TRPM6: variants seen among roughly 807,000 people sequenced by gnomAD.
The protein encoded by TRPM6 is transient receptor potential cation channel subfamily M member 6.
Under a neutral mutation model 247.6 loss-of-function variants are expected in TRPM6, and 111 were observed. That is an observed-to-expected ratio of 0.45 (90% CI 0.38 to 0.52). The LOEUF (loss-of-function observed/expected upper bound fraction) is 0.52, where lower values mean the gene tolerates loss of function less well. TRPM6 is among the 20% of genes least tolerant of loss of function. The pLI is 0.00. For synonymous variants in TRPM6, 892 were observed against 853.8 expected, an observed-to-expected ratio of 1.04 and a Z score of -0.78; for missense variants, 2,126 against 2,421.5, an observed-to-expected ratio of 0.88 and a Z score of 2.56.
chr9:74,856,863 G>A (rs913230454), intron 2 of TRPM6, among the ~76,000 whole-genome samples: 1 of 152,090 alleles, frequency 6.6e-6, no homozygotes, highest in Non-Finnish European at 1.5e-5. Context: ...CTGGCTAGAA[G>A]AAATAGCCAT....
chr9:74,846,085 T>C (rs1311364259), intron 3 of TRPM6, among the ~76,000 whole-genome samples: 2 of 152,200 alleles, frequency 1.3e-5, no homozygotes, highest in African/African-American at 4.8e-5. Context: ...CAGAGAAAAT[T>C]TGTCATTTAT....
At chr9:74,791,759 G>C (rs1449051344) in intron 19 of TRPM6, among the ~76,000 whole-genome samples, 1 of 152,050 alleles carries the variant, frequency 6.6e-6, no homozygotes, top group Non-Finnish European at 1.5e-5. Context: ...TTCAATTGCT[G>C]ATTTTCTTTT....
chr9:74,838,458 T>G (rs1357669579), intron 5 of TRPM6, among the ~76,000 whole-genome samples: 1 of 152,244 alleles, frequency 6.6e-6, no homozygotes, highest in Non-Finnish European at 1.5e-5. Context: ...GTTTTTTCAG[T>G]CATTCACTTC....
At chr9:74,844,263 C>A (rs1830038096) in intron 3 of TRPM6, among the ~76,000 whole-genome samples, 1 of 152,170 alleles carries the variant, frequency 6.6e-6, no homozygotes, top group Non-Finnish European at 1.5e-5. Context: ...AGAGAGTCAG[C>A]CTGTCCTTTG....
chr9:74,747,438 A>G (rs953381113), intron 31 of TRPM6, among the ~76,000 whole-genome samples: 1 of 152,228 alleles, frequency 6.6e-6, no homozygotes, highest in African/African-American at 2.4e-5. Flanking sequence ...CAAGTTTGAG[A>G]GTAATTATAG....
chr9:74,744,938 C>CA (rs574344170), intron 31 of TRPM6, among the ~76,000 whole-genome samples: 2 of 151,988 alleles, frequency 1.3e-5, no homozygotes, highest in Non-Finnish European at 2.9e-5. Flanking sequence ...GGAGTGTTGG[C>CA]AAAAAGTAAG....
intron 9 of TRPM6, among the ~76,000 whole-genome samples, chr9:74,818,517 G>A (rs1587540666): frequency 6.6e-6 from 1 of 152,048 alleles, no homozygotes; most frequent in East Asian, 1.9e-4. Flanking sequence ...TGGCCAGGCT[G>A]GTCTCAAACT....
chr9:74,742,902 C>T (rs760080313), intron 32 of TRPM6, among the ~76,000 whole-genome samples: 17 of 152,290 alleles, frequency 1.1e-4, no homozygotes, highest in Non-Finnish European at 2.5e-4. Context: ...AAATCACATA[C>T]TAATCCATAC....
intron 14 of TRPM6, 76 bp from the exon 15 acceptor site, chr9:74,803,962 G>T: frequency 1.1e-6 from 1 of 931,264 alleles, no homozygotes; most frequent in Non-Finnish European, 1.8e-6. Flanking sequence ...ACAAAAGGAG[G>T]GGAGATTATA....
chr9:74,856,995 A>G (rs890886858), intron 2 of TRPM6, among the ~76,000 whole-genome samples: 4 of 152,322 alleles, frequency 2.6e-5, no homozygotes, highest in Non-Finnish European at 4.4e-5. Context: ...TCTTGAGTCT[A>G]TGGGCTAGTA....
intron 31 of TRPM6, among the ~76,000 whole-genome samples, chr9:74,744,669 G>A (rs1377380744): frequency 6.6e-6 from 1 of 152,192 alleles, no homozygotes; most frequent in East Asian, 1.9e-4. Flanking sequence ...GTTATACAAG[G>A]ACTATGTGTT....
intron 34 of TRPM6, 124 bp downstream of exon 34, chr9:74,739,599 C>G: frequency 6.6e-7 from 1 of 1,524,320 alleles, no homozygotes; most frequent in Non-Finnish European, 9.1e-7. Flanking sequence ...CAAAGCAATA[C>G]TACCTCTAAA....
At chr9:74,878,034 C>T (rs976502104) in intron 1 of TRPM6, among the ~76,000 whole-genome samples, 5 of 152,144 alleles carry the variant, frequency 3.3e-5, no homozygotes, top group Admixed American at 1.3e-4. Context: ...GGCACCTGAG[C>T]TCTCCTCCCA....
rs1564039451 is a variant in TRPM6 at position 74,837,753 on chromosome 9, T to TCC, written c.544+2270_544+2271insGG. On this transcript the variant is annotated intron_variant, in intron 5 of 38. Transcript: ENST00000360774. ...GAGCCACCACGCCCGGCCCCCTTTTTTTTTTTTTTTTTTTTAAGACAGGGT... is the reference window on the plus strand; with the variant it reads ...GAGCCACCACGCCCGGCCCCCTTTTTCCTTTTTTTTTTTTTTTAAGACAGGGT... 9.2e-4 allele frequency among the ~76,000 whole-genome samples: 135 copies of TCC among 145,986 alleles called. 1 individual carries two copies. Among genetic ancestry groups the TCC allele is most frequent in the South Asian group, 4.6e-3 (21 of 4,540 alleles).
At chr9:74,881,226 A>G (rs968251099) in intron 1 of TRPM6, among the ~76,000 whole-genome samples, 6 of 152,216 alleles carry the variant, frequency 3.9e-5, no homozygotes, top group African/African-American at 1.4e-4. Context: ...CTGAAAGTAA[A>G]GGAATGGAAA....
chr9:74,776,180 G>A (rs769084809), intron 23 of TRPM6, 104 bp from the exon 24 acceptor site: 43 of 979,060 alleles, frequency 4.4e-5, no homozygotes, highest in Admixed American at 8.9e-5. Context: ...TGACATTACC[G>A]GCAGTTACCC....
intron 13 of TRPM6, among the ~76,000 whole-genome samples, 173 bp from the exon 14 acceptor site, chr9:74,808,347 A>G (rs1828607644): frequency 6.6e-6 from 1 of 152,200 alleles, no homozygotes; most frequent in Non-Finnish European, 1.5e-5. Flanking sequence ...GCTAGTTCAG[A>G]AGGAAAAATA....
intron 5 of TRPM6, among the ~76,000 whole-genome samples, chr9:74,834,515 T>C (rs1358045261): frequency 6.6e-6 from 1 of 151,740 alleles, no homozygotes; most frequent in Non-Finnish European, 1.5e-5. Context: ...GCACAACGAG[T>C]GGGTTTGTTA....
At chr9:74,760,171 T>C (rs1587477239) in intron 27 of TRPM6, among the ~76,000 whole-genome samples, 1 of 152,212 alleles carries the variant, frequency 6.6e-6, no homozygotes, top group Non-Finnish European at 1.5e-5. Context: ...TACAGTAGTA[T>C]ACAGTAATGC....
Sources: allele counts gnomAD v4.1 joint callset (sites outside exome capture counted in the v4.1 genomes callset), GRCh38; gene constraint gnomAD v4.1.1; transcripts MANE v1.5; gene names NCBI Gene and HGNC (gene_info 2026-07-23, HGNC 2026-07-21).